ARK2N: variants seen among roughly 807,000 people sequenced by gnomAD.
ARK2N encodes the protein protein ARK2N.
chr18:46,186,825 C>T, the ARK2N span, among the ~76,000 whole-genome samples: 1 of 145,574 alleles, frequency 6.9e-6, no homozygotes, highest in South Asian at 2.2e-4. Flanking sequence ...GTTTTTTTAA[C>T]CTTACTCCCA....
At chr18:46,259,758 A>G in the ARK2N span, among the ~76,000 whole-genome samples, 1 of 77,216 alleles carries the variant, frequency 1.3e-5, no homozygotes. Flanking sequence ...GGTGCCCACT[A>G]CCCCACCCAG....
chr18:46,174,418 A>G, the ARK2N span: 1 of 152,036 alleles, frequency 6.6e-6, no homozygotes, highest in Non-Finnish European at 1.5e-5. Flanking sequence ...GTCGGGGCGA[A>G]TCGGAGGGCT....
the ARK2N span, chr18:46,216,423 G>C: frequency 6.2e-7 from 1 of 1,614,136 alleles, no homozygotes; most frequent in Non-Finnish European, 8.5e-7. The surrounding 1 kb of genome is among the most constrained non-coding windows in gnomAD (Gnocchi z 4.3). Flanking sequence ...AGCACAAGGA[G>C]AGGATCAGGC....
At chr18:46,225,121 G>A in the ARK2N span, among the ~76,000 whole-genome samples, 3 of 152,196 alleles carry the variant, frequency 2.0e-5, no homozygotes, top group African/African-American at 7.2e-5. Flanking sequence ...TGACACTGGC[G>A]AAGAGAACAA....
At chr18:46,239,747 A>T in the ARK2N span, among the ~76,000 whole-genome samples, 1 of 152,056 alleles carries the variant, frequency 6.6e-6, no homozygotes, top group Admixed American at 6.5e-5. Flanking sequence ...TCAGTGTAAC[A>T]TTGTTGAGTA....
the ARK2N span, among the ~76,000 whole-genome samples, chr18:46,244,063 A>G: frequency 2.0e-5 from 3 of 151,950 alleles, no homozygotes; most frequent in Non-Finnish European, 4.4e-5. Context: ...AAATATTCAC[A>G]CTCCTAGGTT....
chr18:46,223,735 C>T, the ARK2N span, among the ~76,000 whole-genome samples: 1 of 151,830 alleles, frequency 6.6e-6, no homozygotes, highest in Non-Finnish European at 1.5e-5. Flanking sequence ...TCTGAGCACC[C>T]AGTCCATTGG....
At chr18:46,208,501 C>T in the ARK2N span, among the ~76,000 whole-genome samples, 10 of 119,326 alleles carry the variant, frequency 8.4e-5, no homozygotes, top group Non-Finnish European at 1.3e-4. Context: ...GATGAAGTCT[C>T]GCTCTGTCAC....
At chr18:46,234,436 T>C in the ARK2N span, among the ~76,000 whole-genome samples, 1 of 152,184 alleles carries the variant, frequency 6.6e-6, no homozygotes, top group African/African-American at 2.4e-5. Context: ...AGATCTCAAG[T>C]GATCCACCCA....
the ARK2N span, among the ~76,000 whole-genome samples, chr18:46,194,356 C>T: frequency 6.6e-6 from 1 of 151,900 alleles, no homozygotes; most frequent in African/African-American, 2.4e-5. Flanking sequence ...ATCCCAGCAC[C>T]TTGGGAGGCC....
At chr18:46,246,998 A>G in the ARK2N span, among the ~76,000 whole-genome samples, 6 of 152,140 alleles carry the variant, frequency 3.9e-5, no homozygotes, top group Middle Eastern at 6.8e-3. Flanking sequence ...TTAGCATATC[A>G]TCTGGGTTTT....
At chr18:46,173,589 A>T in the ARK2N span, 2 of 152,242 alleles carry the variant, frequency 1.3e-5, no homozygotes, top group Non-Finnish European at 2.9e-5. Context: ...AGCTCAGCCG[A>T]GTCTCCCCGA....
chr18:46,197,646 C>G, the ARK2N span, among the ~76,000 whole-genome samples: 2 of 152,242 alleles, frequency 1.3e-5, no homozygotes, highest in Admixed American at 1.3e-4. Flanking sequence ...GATCTGAAGA[C>G]CTGTGAACCA....
chr18:46,223,621 T>A, the ARK2N span, among the ~76,000 whole-genome samples: 1 of 152,196 alleles, frequency 6.6e-6, no homozygotes. Context: ...AAATGCTCAA[T>A]AGAGCATTTC....
the ARK2N span, chr18:46,265,774 G>T: frequency 6.6e-6 from 1 of 152,628 alleles, no homozygotes; most frequent in Non-Finnish European, 1.5e-5. Flanking sequence ...GACATTTGAA[G>T]TTTCTTTTAA....
At chr18:46,229,304 C>G in the ARK2N span, among the ~76,000 whole-genome samples, 1 of 151,794 alleles carries the variant, frequency 6.6e-6, no homozygotes, top group South Asian at 2.1e-4. Flanking sequence ...TTTCAACATA[C>G]TTTGTTTTTA....
At chr18:46,199,189 A>G in the ARK2N span, among the ~76,000 whole-genome samples, 19 of 152,160 alleles carry the variant, frequency 1.2e-4, no homozygotes, top group Admixed American at 7.9e-4. Context: ...TTGCACCTCT[A>G]TCTTAACTTT....
chr18:46,220,278 A>G, the ARK2N span, among the ~76,000 whole-genome samples: 1 of 152,190 alleles, frequency 6.6e-6, no homozygotes, highest in African/African-American at 2.4e-5. Flanking sequence ...TGAATTCTCA[A>G]TCCATGCAGC....
the ARK2N span, chr18:46,265,798 A>G: frequency 6.6e-6 from 1 of 150,568 alleles, no homozygotes; most frequent in Non-Finnish European, 1.5e-5. Flanking sequence ...GGTTTTTCTT[A>G]ATCAAAGTTT....
Sources: allele counts gnomAD v4.1 joint callset (sites outside exome capture counted in the v4.1 genomes callset), GRCh38; gene constraint gnomAD v4.1.1; non-coding constraint Gnocchi (gnomAD v3.1); transcripts MANE v1.5; gene names NCBI Gene and HGNC (gene_info 2026-07-23, HGNC 2026-07-21).